TBC1D22A: variants seen among roughly 807,000 people sequenced by gnomAD.
The protein encoded by TBC1D22A is TBC1 domain family member 22A.
Under a neutral mutation model 60.2 loss-of-function variants are expected in TBC1D22A, and 38 were observed. That is an observed-to-expected ratio of 0.63 (90% CI 0.49 to 0.83). The LOEUF is 0.83. TBC1D22A is among the 40% of genes least tolerant of loss of function. The pLI, the probability that TBC1D22A is intolerant of heterozygous loss-of-function variation, is 0.00. For missense variants in TBC1D22A, 628 were observed against 701.0 expected, an observed-to-expected ratio of 0.90 and a Z score of 1.18; for synonymous variants, 302 against 281.7, an observed-to-expected ratio of 1.07 and a Z score of -0.72.
chr22:46,837,776 A>G (rs1479976911), intron 4 of TBC1D22A, among the ~76,000 whole-genome samples: 1 of 152,222 alleles, frequency 6.6e-6, no homozygotes. Context: ...AAGAAAAAAG[A>G]TTGCAGGCAG....
intron 4 of TBC1D22A, among the ~76,000 whole-genome samples, chr22:46,803,961 T>C (rs2146976869): frequency 6.6e-6 from 1 of 152,374 alleles, no homozygotes; most frequent in African/African-American, 2.4e-5. Context: ...ACTCTTCAGC[T>C]AGACCTTTCT....
intron 10 of TBC1D22A, among the ~76,000 whole-genome samples, chr22:47,001,537 C>G (rs1055371131): frequency 6.6e-6 from 1 of 151,632 alleles, no homozygotes; most frequent in African/African-American, 2.4e-5. Context: ...GTCAATCACC[C>G]TGTGGTAAAA....
At chr22:46,898,029 T>C (rs1383283953) in intron 7 of TBC1D22A, among the ~76,000 whole-genome samples, 1 of 152,248 alleles carries the variant, frequency 6.6e-6, no homozygotes, top group Non-Finnish European at 1.5e-5. Flanking sequence ...TCCTTTTTAG[T>C]AGTTGTGCCT....
At chr22:46,810,417 A>G (rs1475351178) in intron 4 of TBC1D22A, among the ~76,000 whole-genome samples, 1 of 150,808 alleles carries the variant, frequency 6.6e-6, no homozygotes, top group African/African-American at 2.4e-5. Flanking sequence ...AAAACGTAAT[A>G]GTGTTACGTG....
chr22:47,049,696 C>G (rs867506361), intron 11 of TBC1D22A, among the ~76,000 whole-genome samples: 1 of 152,272 alleles, frequency 6.6e-6, no homozygotes, highest in African/African-American at 2.4e-5. Context: ...GTCACACTGC[C>G]CAGTCATAAT....
intron 9 of TBC1D22A, among the ~76,000 whole-genome samples, chr22:46,978,266 T>C (rs2074381854): frequency 6.6e-6 from 1 of 152,268 alleles, no homozygotes; most frequent in Non-Finnish European, 1.5e-5. Context: ...GAAGAGCTTT[T>C]GTTTGTGTGG....
chr22:46,893,654 C>A (rs1245428744), intron 6 of TBC1D22A, among the ~76,000 whole-genome samples: 1 of 152,204 alleles, frequency 6.6e-6, no homozygotes, highest in African/African-American at 2.4e-5. Flanking sequence ...CGCCAGGACA[C>A]CCTGATGAGA....
At chr22:47,122,632 T>C (rs1279710619) in intron 12 of TBC1D22A, among the ~76,000 whole-genome samples, 1 of 152,208 alleles carries the variant, frequency 6.6e-6, no homozygotes, top group Non-Finnish European at 1.5e-5. Flanking sequence ...CAGGGATCTT[T>C]GATAAGGAGA....
At chr22:46,804,837 T>A (rs567423442) in intron 4 of TBC1D22A, among the ~76,000 whole-genome samples, 1 of 152,332 alleles carries the variant, frequency 6.6e-6, no homozygotes, top group Admixed American at 6.5e-5. Context: ...AGTTTGTAAG[T>A]CTTTGGTATG....
rs879492537 is a variant in TBC1D22A at position 47,160,096 on chromosome 22, A to G, written c.1426-13402A>G. Among the ~76,000 whole-genome samples the G allele has an allele frequency of 6.1e-5, 9 of 147,304 alleles. No homozygotes were observed. In the South Asian group the frequency reaches 1.2e-3, roughly 19 times the overall value. On this transcript the variant is annotated intron_variant, in intron 12 of 12. Coordinates refer to ENST00000337137, the MANE Select transcript of TBC1D22A (RefSeq NM_014346.5). ...AGGTGGAGGAGGGTGGGGGAAGGGC[A>G]GGGGAGGCCGGGCCGCCCAACCCCT...
chr22:46,943,098 A>C (rs1270177854), intron 8 of TBC1D22A, among the ~76,000 whole-genome samples: 1 of 152,208 alleles, frequency 6.6e-6, no homozygotes, highest in African/African-American at 2.4e-5. Context: ...GTGTCAGTGC[A>C]AAAGAATTAT....
At chr22:47,010,191 G>A (rs60589501) in intron 10 of TBC1D22A, among the ~76,000 whole-genome samples, 2,816 of 152,262 alleles carry the variant, frequency 0.018, 73 homozygotes, top group African/African-American at 0.064. Context: ...TTTTAAGATA[G>A]AATTCAGTTA....
At chr22:46,787,208 C>A (rs1028162781) in intron 1 of TBC1D22A, among the ~76,000 whole-genome samples, 2 of 152,118 alleles carry the variant, frequency 1.3e-5, no homozygotes, top group African/African-American at 4.8e-5. Context: ...TTTAAGTCTT[C>A]TCTTTTTTCT....
chr22:46,917,189 A>G (rs2070426380), intron 8 of TBC1D22A, among the ~76,000 whole-genome samples: 1 of 152,174 alleles, frequency 6.6e-6, no homozygotes, highest in South Asian at 2.1e-4. Context: ...GGAAACAGCA[A>G]GGCACGTGCT....
intron 5 of TBC1D22A, among the ~76,000 whole-genome samples, chr22:46,882,507 G>A (rs1398245988): frequency 6.6e-6 from 1 of 152,100 alleles, no homozygotes; most frequent in African/African-American, 2.4e-5. Context: ...TGAAAGTTAT[G>A]CGCTATGCCC....
intron 4 of TBC1D22A, among the ~76,000 whole-genome samples, chr22:46,829,935 C>T (rs2086237513): frequency 6.6e-6 from 1 of 152,236 alleles, no homozygotes; most frequent in Admixed American, 6.5e-5. Flanking sequence ...TCAGTGCCAG[C>T]TCAGTACTAG....
At position 47,075,819 on chromosome 22, in the gene TBC1D22A, T is replaced by C. The variant is rs899822510; in HGVS notation, c.1330-35689T>C. Reference sequence around the variant, plus strand: ...ATTGACACACACACACACACACATATGGACACAGAAAGTTTTGAATTTTAT... The same window carrying C: ...ATTGACACACACACACACACACATACGGACACAGAAAGTTTTGAATTTTAT... On this transcript the variant is annotated intron_variant, in intron 11 of 12. Transcript: ENST00000337137. Among the ~76,000 whole-genome samples the C allele has an allele frequency of 1.3e-3, 195 of 148,162 alleles. 2 individuals carry two copies. Among genetic ancestry groups the C allele is most frequent in the African/African-American group, 4.6e-3 (173 of 37,904 alleles).
At chr22:46,781,058 C>T (rs2083912140) in intron 1 of TBC1D22A, among the ~76,000 whole-genome samples, 1 of 152,122 alleles carries the variant, frequency 6.6e-6, no homozygotes, top group South Asian at 2.1e-4. Context: ...CTGCCCCGAC[C>T]CCCACAACTG....
chr22:46,801,846 A>G (rs2084911621), intron 4 of TBC1D22A, among the ~76,000 whole-genome samples: 1 of 152,180 alleles, frequency 6.6e-6, no homozygotes, highest in Non-Finnish European at 1.5e-5. Flanking sequence ...GAGCGTGCTG[A>G]TAGATGGAGG....
Sources: gnomAD v4.1 joint callset for allele counts (sites outside exome capture counted in the v4.1 genomes callset) on GRCh38, gnomAD v4.1.1 for gene constraint, MANE v1.5 for transcripts, NCBI Gene and HGNC (gene_info 2026-07-23, HGNC 2026-07-21) for gene names.